Variants in SKAP2 observed in about 807,000 individuals in gnomAD.
SKAP2 encodes the protein src kinase associated phosphoprotein 2, also known as src kinase-associated phosphoprotein 2.
In SKAP2, 28 loss-of-function variants were observed where a neutral mutation model predicts 54.9. The observed-to-expected ratio is 0.51, with a 90% CI of 0.38 to 0.70. The LOEUF is 0.70. SKAP2 is among the 30% of genes least tolerant of loss of function. The pLI is 0.00. For synonymous variants in SKAP2, 137 were observed against 134.3 expected, an observed-to-expected ratio of 1.02 and a Z score of -0.14; for missense variants, 356 against 424.1, an observed-to-expected ratio of 0.84 and a Z score of 1.41.
At chr7:26,659,127 T>A in the SKAP2 span, among the ~76,000 whole-genome samples, 1 of 152,202 alleles carries the variant, frequency 6.6e-6, no homozygotes, top group Non-Finnish European at 1.5e-5. Flanking sequence ...AAGGAAATTA[T>A]TGCATTTTGC....
At chr7:26,772,759 T>TTGTTTTGTGGGAACCAAG (rs1783214924) in intron 4 of SKAP2, among the ~76,000 whole-genome samples, 1 of 152,232 alleles carries the variant, frequency 6.6e-6, no homozygotes, top group Non-Finnish European at 1.5e-5. Flanking sequence ...ACGTGTGTGT[T>TTGTTTTGTGGGAACCAAG]TGTTTTGTGG....
At chr7:26,801,382 C>T (rs1783912148) in intron 4 of SKAP2, among the ~76,000 whole-genome samples, 1 of 152,174 alleles carries the variant, frequency 6.6e-6, no homozygotes, top group South Asian at 2.1e-4. Context: ...CCATACATGA[C>T]AAACCTACAG....
intron 4 of SKAP2, among the ~76,000 whole-genome samples, chr7:26,827,754 A>G (rs1425193844): frequency 6.6e-6 from 1 of 152,220 alleles, no homozygotes; most frequent in Non-Finnish European, 1.5e-5. Flanking sequence ...ACGTACTTAG[A>G]TAAGGCAGAA....
At chr7:26,812,579 T>C (rs1254921631) in intron 4 of SKAP2, among the ~76,000 whole-genome samples, 1 of 152,158 alleles carries the variant, frequency 6.6e-6, no homozygotes, top group Non-Finnish European at 1.5e-5. Context: ...GCCATTTCAT[T>C]TTACCATGAA....
the SKAP2 span, among the ~76,000 whole-genome samples, chr7:26,657,644 A>T: frequency 1.3e-5 from 2 of 152,076 alleles, 1 homozygote; most frequent in South Asian, 4.1e-4. Context: ...TCGAGTTTTG[A>T]ATGTCACCCA....
At chr7:26,731,903 T>A (rs1787831513) in intron 6 of SKAP2, among the ~76,000 whole-genome samples, 1 of 152,232 alleles carries the variant, frequency 6.6e-6, no homozygotes, top group Non-Finnish European at 1.5e-5. Flanking sequence ...TACTTGTTTT[T>A]TCTCTTCTTC....
intron 3 of SKAP2, 139 bp downstream of exon 3, chr7:26,853,998 C>T (rs943126269): frequency 1.7e-6 from 1 of 575,940 alleles, no homozygotes; most frequent in Non-Finnish European, 3.1e-6. Context: ...CTAGCACTCT[C>T]ATCTTGAAGG....
chr7:26,794,330 C>T (rs1169883618), intron 4 of SKAP2, among the ~76,000 whole-genome samples: 3 of 152,172 alleles, frequency 2.0e-5, no homozygotes, highest in Non-Finnish European at 2.9e-5. Flanking sequence ...CCTGAGCATA[C>T]GCTGAGAATG....
chr7:26,850,437 C>T (rs1352009489), intron 3 of SKAP2, among the ~76,000 whole-genome samples: 1 of 151,714 alleles, frequency 6.6e-6, no homozygotes, highest in African/African-American at 2.4e-5. Flanking sequence ...AATACACAGG[C>T]AGCGTACCTA....
At chr7:26,713,719 C>T (rs1202746572) in intron 9 of SKAP2, among the ~76,000 whole-genome samples, 2 of 151,958 alleles carry the variant, frequency 1.3e-5, no homozygotes, top group African/African-American at 2.4e-5. Flanking sequence ...CCTGCCTCAG[C>T]CTCCCGAGTA....
At chr7:26,806,117 T>A (rs1437531553) in intron 4 of SKAP2, among the ~76,000 whole-genome samples, 1 of 152,246 alleles carries the variant, frequency 6.6e-6, no homozygotes, top group Admixed American at 6.5e-5. Flanking sequence ...ATGTTTTGAT[T>A]GTTCCACTGA....
Position 26,844,155 on chromosome 7 carries a change from A to AAATCAG in SKAP2, c.200-19_200-18insCTGATT. On this transcript the variant is annotated intron_variant, in intron 3 of 12. Coordinates refer to ENST00000345317, the MANE Select transcript of SKAP2 (RefSeq NM_003930.5). Reference sequence around the variant, plus strand: ...TGCATCACCTGTTAAAAAAAAAAAAAATCAGAGAACTGCCTTTTATACTTT... The same window carrying AAATCAG: ...TGCATCACCTGTTAAAAAAAAAAAAAAATCAGATCAGAGAACTGCCTTTTATACTTT... The AAATCAG allele has an allele frequency of 2.0e-6, 3 of 1,465,426 alleles. No individual in the cohort carries two copies. Among genetic ancestry groups the AAATCAG allele is most frequent in the Non-Finnish European group, 2.9e-6 (3 of 1,049,594 alleles). 90.8% of individuals were successfully genotyped at this position (1,465,426 alleles called of 1,614,324 possible).
chr7:26,675,047 T>C, intron 11 of SKAP2, among the ~76,000 whole-genome samples: 1 of 152,188 alleles, frequency 6.6e-6, no homozygotes, highest in Non-Finnish European at 1.5e-5. Flanking sequence ...GGTTCACCCA[T>C]TCCACTTTAT....
intron 4 of SKAP2, 38 bp downstream of exon 4, chr7:26,843,992 G>A (rs369329989): frequency 5.7e-6 from 7 of 1,233,800 alleles, no homozygotes; most frequent in Non-Finnish European, 8.4e-6. Context: ...GCATTGTTTT[G>A]TGTGAGTGTC....
intron 11 of SKAP2, among the ~76,000 whole-genome samples, chr7:26,681,343 C>G (rs927534359): frequency 1.3e-5 from 2 of 152,150 alleles, no homozygotes; most frequent in Admixed American, 1.3e-4. Flanking sequence ...ACTTGGGAGG[C>G]TGAGGCAGGA....
At chr7:26,840,297 A>T (rs113586826) in intron 4 of SKAP2, among the ~76,000 whole-genome samples, 3 of 152,114 alleles carry the variant, frequency 2.0e-5, no homozygotes, top group Non-Finnish European at 4.4e-5. Flanking sequence ...ACATACATCT[A>T]CTGGGATCCT....
chr7:26,757,379 C>T (rs1284864533), intron 4 of SKAP2, among the ~76,000 whole-genome samples: 1 of 152,182 alleles, frequency 6.6e-6, no homozygotes, highest in Non-Finnish European at 1.5e-5. Context: ...CCAGTTTCAG[C>T]TTTCTACATA....
At chr7:26,741,572 A>AATT (rs1782456632) in intron 4 of SKAP2, among the ~76,000 whole-genome samples, 1 of 28,910 alleles carries the variant, frequency 3.5e-5, no homozygotes, top group Admixed American at 4.9e-4. Context: ...ATAAATAAAT[A>AATT]AATAAATTAA....
chr7:26,759,191 T>C (rs1584373549), intron 4 of SKAP2, among the ~76,000 whole-genome samples: 1 of 152,214 alleles, frequency 6.6e-6, no homozygotes, highest in East Asian at 1.9e-4. Context: ...TTTTAATAGA[T>C]ATACTGACAC....
Sources: gnomAD v4.1 joint callset for allele counts (sites outside exome capture counted in the v4.1 genomes callset) on GRCh38, gnomAD v4.1.1 for gene constraint, MANE v1.5 for transcripts, NCBI Gene and HGNC (gene_info 2026-07-23, HGNC 2026-07-21) for gene names.